TPPP2: variants seen among roughly 807,000 people sequenced by gnomAD.
The protein encoded by TPPP2 is tubulin polymerization promoting protein family member 2.
A neutral mutation model predicts 13.0 loss-of-function variants in TPPP2; 8 were observed. The ratio of observed to expected loss-of-function variants is 0.62; its 90% CI spans 0.36 to 1.11. TPPP2 has a LOEUF of 1.11. Among genes scored for constraint, TPPP2 ranks in the 50% most tolerant of loss-of-function variants. TPPP2 has a pLI of 0.02. For synonymous variants in TPPP2, 81 were observed against 81.8 expected, an observed-to-expected ratio of 0.99 and a Z score of 0.05; for missense variants, 213 against 216.9, an observed-to-expected ratio of 0.98 and a Z score of 0.11.
chr14:21,034,165 C>T (rs1243515733), downstream of TPPP2: 1 of 1,614,006 alleles, frequency 6.2e-7, no homozygotes, highest in African/African-American at 1.3e-5. Flanking sequence ...GGGTAGTTAA[C>T]CCTGGGATAG....
intron 1 of TPPP2, chr14:21,024,997 C>T (rs971435624): frequency 6.1e-6 from 6 of 985,906 alleles, no homozygotes; most frequent in Non-Finnish European, 7.2e-6. Context: ...GCCTTCCAGG[C>T]CCTACGGCCC....
At chr14:21,033,153 A>G (rs1377253189), downstream of TPPP2, 1 of 375,502 alleles carries the variant, frequency 2.7e-6, no homozygotes, top group Non-Finnish European at 5.2e-6. Context: ...GGAAAAAGGA[A>G]GGCAGGGTGA....
chr14:21,030,793 C>A, intron 2 of TPPP2, 39 bp downstream of exon 2: 1 of 1,605,098 alleles, frequency 6.2e-7, no homozygotes, highest in Non-Finnish European at 8.5e-7. Flanking sequence ...GTGAGAAGAA[C>A]CTGCGAGGTA....
At chr14:21,035,826 G>T (rs1216296940), downstream of TPPP2, 6 of 456,164 alleles carry the variant, frequency 1.3e-5, no homozygotes, top group Non-Finnish European at 2.6e-5. Context: ...AAACCTGAAA[G>T]TGATCCTAGA....
chr14:21,026,638 A>G (rs2139057693), upstream of TPPP2, among the ~76,000 whole-genome samples: 1 of 152,038 alleles, frequency 6.6e-6, no homozygotes, highest in East Asian at 1.9e-4. Context: ...ACAGTAGGAA[A>G]ACTGGTCGGG....
At chr14:21,027,850 T>A (rs1430888105), upstream of TPPP2, among the ~76,000 whole-genome samples, 1 of 152,190 alleles carries the variant, frequency 6.6e-6, no homozygotes, top group Non-Finnish European at 1.5e-5. Flanking sequence ...AAATGAGAAG[T>A]GCAACCATGG....
intron 1 of TPPP2, chr14:21,024,516 G>C (rs551435713): frequency 1.2e-5 from 12 of 985,200 alleles, no homozygotes; most frequent in Non-Finnish European, 1.3e-5. Flanking sequence ...CCAGTAAGAG[G>C]AGGGTAGCAG....
chr14:21,030,127 G>A (rs577583028), upstream of TPPP2: 1 of 154,936 alleles, frequency 6.5e-6, no homozygotes, highest in Admixed American at 6.4e-5. Flanking sequence ...CCCCTCCTTT[G>A]AAGGCAATGG....
At chr14:21,035,312 T>C (rs985786078), downstream of TPPP2, among the ~76,000 whole-genome samples, 3 of 152,234 alleles carry the variant, frequency 2.0e-5, no homozygotes, top group Non-Finnish European at 4.4e-5. Flanking sequence ...TTTGAAAGCA[T>C]AACCTGAACA....
At chr14:21,027,125 C>T (rs940613699), upstream of TPPP2, among the ~76,000 whole-genome samples, 4 of 152,198 alleles carry the variant, frequency 2.6e-5, no homozygotes, top group African/African-American at 9.7e-5. Context: ...GAAATTTCCA[C>T]TGACATCCAT....
At position 21,032,153 on chromosome 14, in the gene TPPP2, A is replaced by C; in HGVS notation, c.*76A>C. 4.8e-6 allele frequency: 7 copies of C among 1,458,162 alleles called. No individual in the cohort carries two copies. Among genetic ancestry groups the C allele is most frequent in the Non-Finnish European group, 6.7e-6 (7 of 1,045,756 alleles). 90.3% of individuals were successfully genotyped at this position (1,458,162 alleles called of 1,614,324 possible). A position where few individuals can be genotyped will look rare whatever the true frequency, so the allele number is the denominator to read the frequency against. ...CCAGGGAGCTTGGAAAACAATAAAC[A>C]TCTGTGTGTGCAGCAGCCAAAATCT... is the stretch of plus-strand genomic sequence containing the variant. On this transcript the variant is annotated 3_prime_UTR_variant, in exon 4 of 4. Coordinates refer to ENST00000321760, the MANE Select transcript of TPPP2 (RefSeq NM_173846.5).
At chr14:21,024,401 A>C in intron 1 of TPPP2, 3 of 899,176 alleles carry the variant, frequency 3.3e-6, no homozygotes, top group Non-Finnish European at 4.0e-6. Flanking sequence ...TGCCACTCCC[A>C]GTGTGACCTT....
intron 2 of TPPP2, 54 bp downstream of exon 2, chr14:21,030,808 G>C: frequency 6.3e-7 from 1 of 1,592,154 alleles, no homozygotes; most frequent in Non-Finnish European, 8.6e-7. Context: ...GAGGTAGTTG[G>C]CCACGGAAGG....
rs1883120303 is a variant in TPPP2, at chr14:21,025,013, C to G, written n.236+669C>G. ...CCTTCCAGGCCCTACGGCCCCTCGC[C>G]TGCCCCTCCCCCTACCTGCTGCCGC... On this transcript the variant is annotated intron_variant and non_coding_transcript_variant, in intron 1 of 1. Transcript: ENST00000533755. This position sits in a 1 kb window ranked among gnomAD's most constrained non-coding sequence, Gnocchi z 5.1. 9 of 985,916 alleles carry G rather than the reference C, an allele frequency of 9.1e-6. No homozygotes were observed. The highest frequency in any genetic ancestry group is 1.1e-5 in the Non-Finnish European group (9 of 830,448). The allele number at this position is 985,916 out of a possible 1,614,324, so 61.1% of individuals were successfully genotyped here. A position where few individuals can be genotyped will look rare whatever the true frequency, so the allele number is the denominator to read the frequency against.
upstream of TPPP2, among the ~76,000 whole-genome samples, chr14:21,026,112 A>G (rs1246602070): frequency 6.6e-6 from 1 of 151,816 alleles, no homozygotes; most frequent in Non-Finnish European, 1.5e-5. Flanking sequence ...TCGGTGCCCG[A>G]GTGGGTTTGC....
upstream of TPPP2, chr14:21,025,679 C>T: frequency 1.0e-6 from 1 of 985,290 alleles, no homozygotes; most frequent in Middle Eastern, 5.2e-4. This position sits in a 1 kb window ranked among gnomAD's most constrained non-coding sequence, Gnocchi z 5.1. Context: ...CCTGGTACCT[C>T]TCCTCTCTTT....
At position 21,030,581 on chromosome 14, in the gene TPPP2, C is replaced by G; in HGVS notation, c.-1C>G. On this transcript the variant is annotated 5_prime_UTR_variant, in exon 2 of 4. Coordinates refer to ENST00000321760, the MANE Select transcript of TPPP2 (RefSeq NM_173846.5). ...CTGCCCTCCCCGACCTCTAGCTGAC[C>G]ATGGCATCAGAGGCAGAAAAAACAT... 6.2e-7 allele frequency: 1 copy of G among 1,613,298 alleles called. No individual in the cohort carries two copies. Among genetic ancestry groups the G allele is most frequent in the Non-Finnish European group, 8.5e-7 (1 of 1,179,724 alleles).
Position 21,024,495 on chromosome 14 carries a change from T to C in TPPP2, n.236+151T>C, listed in dbSNP as rs1046325965. ...GGGGAATAGGGGATCCCCAAAATTTTTGACAGCTCTCCAGTAAGAGGAGGG... is the reference window on the plus strand; with the variant it reads ...GGGGAATAGGGGATCCCCAAAATTTCTGACAGCTCTCCAGTAAGAGGAGGG... On this transcript the variant is annotated intron_variant and non_coding_transcript_variant, in intron 1 of 1. Transcript: ENST00000533755. 2.1e-5 allele frequency: 21 copies of C among 984,576 alleles called. No individual in the cohort carries two copies. The African/African-American group carries it at 2.6e-4, about 12-fold the overall frequency. 61.0% of individuals were successfully genotyped at this position (984,576 alleles called of 1,614,324 possible).
At chr14:21,025,697 C>A (rs1369485181), upstream of TPPP2, 1 of 985,318 alleles carries the variant, frequency 1.0e-6, no homozygotes, top group East Asian at 1.1e-4. The surrounding 1 kb of genome is among the most constrained non-coding windows in gnomAD (Gnocchi z 5.1). Context: ...TTTGCTGCGT[C>A]CCGACGCCTG....
Sources: allele counts gnomAD v4.1 joint callset (sites outside exome capture counted in the v4.1 genomes callset), GRCh38; gene constraint gnomAD v4.1.1; non-coding constraint Gnocchi (gnomAD v3.1); transcripts MANE v1.5; gene names NCBI Gene and HGNC (gene_info 2026-07-23, HGNC 2026-07-21).